ERAP1: variants seen among roughly 807,000 people sequenced by gnomAD.
ERAP1 encodes adipocyte-derived leucine aminopeptidase.
ERAP1 carries 86 observed loss-of-function variants against 103.7 expected under a neutral mutation model. The ratio of observed to expected loss-of-function variants is 0.83; its 90% CI spans 0.70 to 0.99. The LOEUF (loss-of-function observed/expected upper bound fraction) is 0.99. Ranked by LOEUF, ERAP1 falls within the 50% of genes least tolerant of loss-of-function variation. The pLI, the probability that ERAP1 is intolerant of heterozygous loss-of-function variation, is 0.00. For synonymous variants in ERAP1, 398 were observed against 402.4 expected (o/e 0.99, Z 0.13); for missense variants, 1,009 against 1,128.4 (o/e 0.89, Z 1.52).
At chr5:96,796,881 C>T (rs1235942926) in intron 4 of ERAP1, among the ~76,000 whole-genome samples, 2 of 152,196 alleles carry the variant, frequency 1.3e-5, no homozygotes, top group Non-Finnish European at 2.9e-5. Context: ...AAGCCTCAAA[C>T]TCCTGGGCTC....
intron 8 of ERAP1, 95 bp downstream of exon 8, chr5:96,791,966 T>C: frequency 7.2e-7 from 1 of 1,392,840 alleles, no homozygotes; most frequent in Admixed American, 1.7e-5. Flanking sequence ...GCATTCAATC[T>C]GGGTTTAACC....
At chr5:96,847,494 A>G in the ERAP1 span, among the ~76,000 whole-genome samples, 1 of 152,272 alleles carries the variant, frequency 6.6e-6, no homozygotes, top group Admixed American at 6.5e-5. Context: ...ATATATACAG[A>G]ACACTCCATC....
In ERAP1 at chr5:96,790,472, T is replaced by C. The variant is rs753901013; in HGVS notation, c.1452+40A>G. The C allele has an allele frequency of 5.0e-6, 8 of 1,612,986 alleles. No individual in the cohort carries two copies. In the African/African-American group the frequency reaches 1.1e-4, roughly 22 times the overall value. ...GGAAAACAAAACAAGATGATAAGCC[T>C]GTCAATCCCAAATGCAGAGATATTC... On this transcript the variant is annotated intron_variant, in intron 9 of 18. Transcript: ENST00000443439.
rs1774274170 is a variant in ERAP1, at chr5:96,776,241, C to CCCATTCATGAAAAAA, written c.*154_*155insTTTTTTCATGAATGG. On this transcript the variant is annotated 3_prime_UTR_variant, in exon 19 of 19. Coordinates refer to ENST00000443439, the MANE Select transcript of ERAP1 (RefSeq NM_001040458.3). Reference sequence around the variant, plus strand: ...GTAGCGATAGCCCATTCATGAAAAACTAACAGCTATTCTTTTCACAGGGAT... The same window carrying CCCATTCATGAAAAAA: ...GTAGCGATAGCCCATTCATGAAAAACCCATTCATGAAAAAATAACAGCTATTCTTTTCACAGGGAT... 1 of 1,004,618 alleles carries CCCATTCATGAAAAAA rather than the reference C, an allele frequency of 1.0e-6. No homozygotes were observed. Among genetic ancestry groups the CCCATTCATGAAAAAA allele is most frequent in the African/African-American group, 1.7e-5 (1 of 59,070 alleles). The allele number at this position is 1,004,618 out of a possible 1,614,324, so 62.2% of individuals were successfully genotyped here.
chr5:96,762,159 TG>T (rs1466804396), exon 20 of ERAP1: 1 of 516,572 alleles, frequency 1.9e-6, no homozygotes, highest in Non-Finnish European at 3.4e-6. Context: ...TGAGTCTATT[TG>T]GTCAAGAGAA....
the ERAP1 span, among the ~76,000 whole-genome samples, chr5:96,878,400 C>A: frequency 5.3e-5 from 1 of 19,042 alleles, no homozygotes; most frequent in East Asian, 8.7e-4. Flanking sequence ...CAATGCCATT[C>A]GTAGTAATAA....
rs751673204 is a variant in ERAP1, at chr5:96,776,480, G to GGTTT, written c.2738_2741dup (p.Ile915AsnfsTer3). The GGTTT allele has an allele frequency of 3.1e-6, 5 of 1,614,068 alleles. No individual in the cohort carries two copies. The highest frequency in any genetic ancestry group is 4.2e-6 in the Non-Finnish European group (5 of 1,180,014). ...CCATCCAACCGATGTTTTCTTCAAT[G>GGTTT]GTTTCAATTGTCTGTTGGACACAAC... is the stretch of plus-strand genomic sequence containing the variant. On this transcript the variant is annotated frameshift_variant, in exon 19 of 19. Transcript: ENST00000443439. LOFTEE classifies it high-confidence loss of function.
intron 18 of ERAP1, among the ~76,000 whole-genome samples, chr5:96,778,894 A>T (rs1308364328): frequency 6.6e-6 from 1 of 151,372 alleles, no homozygotes; most frequent in Admixed American, 6.6e-5. Flanking sequence ...ATTCAGGATG[A>T]CTCCCGTATT....
chr5:96,896,155 G>A, the ERAP1 span, among the ~76,000 whole-genome samples: 1 of 152,056 alleles, frequency 6.6e-6, no homozygotes, highest in Non-Finnish European at 1.5e-5. Context: ...GGCAATGTCT[G>A]AAGGAATATT....
At chr5:96,862,093 G>T in the ERAP1 span, among the ~76,000 whole-genome samples, 1 of 152,088 alleles carries the variant, frequency 6.6e-6, no homozygotes, top group Non-Finnish European at 1.5e-5. Flanking sequence ...TGATCCTCTT[G>T]GCTCAGCCTC....
At chr5:96,776,726 CATG>C in intron 18 of ERAP1, 175 bp from the exon 19 acceptor site, 2 of 834,776 alleles carry the variant, frequency 2.4e-6, no homozygotes, top group Non-Finnish European at 3.6e-6. Context: ...GCTCATGCCT[CATG>C]ATGTCAAGTT....
chr5:96,811,750 T>G (rs1352046811), upstream of ERAP1, among the ~76,000 whole-genome samples: 1 of 152,208 alleles, frequency 6.6e-6, no homozygotes, highest in Non-Finnish European at 1.5e-5. Context: ...GCCCTTGAAC[T>G]TCTAGAATTG....
chr5:96,908,544 A>G, the ERAP1 span, among the ~76,000 whole-genome samples: 4 of 152,268 alleles, frequency 2.6e-5, no homozygotes, highest in Non-Finnish European at 5.9e-5. Context: ...TGGAGAAACA[A>G]GTCAAACCCA....
chr5:96,915,298 C>A, the ERAP1 span, among the ~76,000 whole-genome samples: 1 of 152,070 alleles, frequency 6.6e-6, no homozygotes, highest in Non-Finnish European at 1.5e-5. Flanking sequence ...TGTGAGCCAC[C>A]GCGCCCAGCC....
chr5:96,889,410 T>A, the ERAP1 span: 1 of 1,250,756 alleles, frequency 8.0e-7, no homozygotes. Context: ...ACTGAGGAAT[T>A]CAGTTAGCTC....
chr5:96,862,944 ACCTCGTTTAC>A, the ERAP1 span, among the ~76,000 whole-genome samples: 2 of 152,102 alleles, frequency 1.3e-5, no homozygotes, highest in Non-Finnish European at 2.9e-5. Context: ...TTTCAGAGCT[ACCTCGTTTAC>A]CCTCACCCGT....
Position 96,776,186 on chromosome 5 carries a change from G to T in ERAP1, c.*210C>A. On this transcript the variant is annotated 3_prime_UTR_variant, in exon 19 of 19. Transcript: ENST00000443439. ...ACCCAACACTTGGGTTTACGTTGCA[G>T]GGCAACACCTGTGATGAACAAAACA... The T allele has an allele frequency of 6.6e-7, 1 of 1,512,118 alleles. No individual in the cohort carries two copies. The highest frequency in any genetic ancestry group is 1.4e-5 in the African/African-American group (1 of 72,626). The allele number at this position is 1,512,118 out of a possible 1,614,324, so 93.7% of individuals were successfully genotyped here.
chr5:96,873,687 A>G, the ERAP1 span: 2 of 325,236 alleles, frequency 6.1e-6, no homozygotes, highest in Non-Finnish European at 1.2e-5. Flanking sequence ...GGAAAAACAA[A>G]AAACAAAAAC....
At chr5:96,896,633 A>T in the ERAP1 span, 1 of 1,425,292 alleles carries the variant, frequency 7.0e-7, no homozygotes, top group Non-Finnish European at 9.3e-7. Context: ...CACTTTTCAG[A>T]CATCACACAT....
Sources: gnomAD v4.1 joint callset for allele counts (sites outside exome capture counted in the v4.1 genomes callset) on GRCh38, gnomAD v4.1.1 for gene constraint, MANE v1.5 for transcripts, NCBI Gene and HGNC (gene_info 2026-07-23, HGNC 2026-07-21) for gene names.